Variants in ZWILCH observed in about 807,000 individuals in gnomAD.
The protein encoded by ZWILCH is zwilch kinetochore protein.
Under a neutral mutation model 79.9 loss-of-function variants are expected in ZWILCH, and 74 were observed. The ratio of observed to expected loss-of-function variants is 0.93; its 90% confidence interval spans 0.77 to 1.12. ZWILCH has a LOEUF of 1.12. Among genes scored for constraint, ZWILCH ranks in the 50% most tolerant of loss-of-function variants. The probability of loss-of-function intolerance (pLI) is 0.00; values close to 1 mark genes in which losing one functional copy is unlikely to be tolerated. For missense variants in ZWILCH, 694 were observed against 687.5 expected (o/e 1.01, Z -0.11); for synonymous variants, 241 against 228.2 (o/e 1.06, Z -0.51).
rs756584869 is a variant in ZWILCH at position 66,532,279 on chromosome 15, G to A, written c.1188G>A (p.Lys396=). 2 of 1,601,390 alleles carry A rather than the reference G, an allele frequency of 1.2e-6. No homozygotes were observed. Among genetic ancestry groups the A allele is most frequent in the Non-Finnish European group, 1.7e-6 (2 of 1,174,634 alleles). The change falls in exon 13 of 19, where the codon AAG becomes AAA. Residue 396 remains lysine, a synonymous_variant. Coordinates refer to ENST00000307897, the MANE Select transcript of ZWILCH (RefSeq NM_017975.5). The stretch of plus-strand genomic sequence containing the variant: ...GTGGAAGTAACAGTTTACTAAGTAA[G>A]CTCATTCATCAGTCTTATCATGGAA... ...LHSGSNSLLS[K]LIHQSYHGTM...
chr15:66,509,142 A>G (rs1054750489), intron 2 of ZWILCH, among the ~76,000 whole-genome samples: 10 of 152,054 alleles, frequency 6.6e-5, no homozygotes, highest in Non-Finnish European at 1.2e-4. Flanking sequence ...GGGTTTCACC[A>G]TGTTAGCCAG....
Position 66,521,167 on chromosome 15 carries a change from A to G in ZWILCH, c.709A>G (p.Ile237Val), listed in dbSNP as rs1220514236. The G allele has an allele frequency of 6.2e-7, 1 of 1,613,376 alleles. No homozygotes were observed. The highest frequency in any genetic ancestry group is 1.3e-5 in the African/African-American group (1 of 74,904). ...LDISWSPVDE[I>V]LQIPPLSSTA... ...TATTTCCTGGAGTCCTGTGGATGAG[A>G]TTCTTCAAATCCCTCCACTCTCTTC... Residue 237 changes from isoleucine (I) to valine (V), a missense_variant, in exon 7 of 19, where the codon ATT becomes GTT. Ile to Val is a conservative substitution (Grantham distance 29). Coordinates refer to ENST00000307897, the MANE Select transcript of ZWILCH (RefSeq NM_017975.5).
chr15:66,530,688 C>T (rs1894826816), intron 12 of ZWILCH, among the ~76,000 whole-genome samples: 1 of 152,142 alleles, frequency 6.6e-6, no homozygotes, highest in African/African-American at 2.4e-5. Flanking sequence ...ATGAATTTTC[C>T]ACAGTGAACT....
At position 66,521,116 on chromosome 15, in the gene ZWILCH, G is replaced by A; in HGVS notation, c.658G>A (p.Ala220Thr). 6.2e-7 allele frequency: 1 copy of A among 1,614,104 alleles called. No individual in the cohort carries two copies. Among genetic ancestry groups the A allele is most frequent in the Non-Finnish European group, 8.5e-7 (1 of 1,180,022 alleles). ...KSSALDDTITASQTAIALDIS... is the reference protein window; with the variant it reads ...KSSALDDTITTSQTAIALDIS... ...CTCTGCCTTGGATGATACAATCACA[G>A]CATCACAAACTGCGATCGCTTTGGA... Residue 220 changes from alanine to threonine, a missense_variant, in exon 7 of 19, where the codon GCA becomes ACA. By Grantham distance (58) the Ala-to-Thr change is moderately conservative. Transcript: ENST00000307897.
chr15:66,527,751 A>T lies in ZWILCH; in HGVS notation c.914-106A>T, dbSNP rs556676743. Reference sequence around the variant, plus strand: ...AGTTCAGTGATTTGCTAAAATCCTTAGTTAGACTTCTACTGTCCCCATTTA... The same window carrying T: ...AGTTCAGTGATTTGCTAAAATCCTTTGTTAGACTTCTACTGTCCCCATTTA... On this transcript the variant is annotated intron_variant, in intron 9 of 18. Transcript: ENST00000307897. The T allele has an allele frequency of 2.0e-4, 189 of 933,736 alleles. 1 individual carries two copies. The South Asian group carries it at 2.8e-3, about 14-fold the overall frequency. 57.8% of individuals were successfully genotyped at this position (933,736 alleles called of 1,614,324 possible).
intron 2 of ZWILCH, among the ~76,000 whole-genome samples, chr15:66,512,112 A>T (rs891532638): frequency 6.6e-6 from 1 of 152,196 alleles, no homozygotes; most frequent in Non-Finnish European, 1.5e-5. Flanking sequence ...ATCATATAAT[A>T]TGGAATTAGT....
In ZWILCH at chr15:66,548,604, C is replaced by T. The variant is rs1462144701; in HGVS notation, c.*280C>T. ...CCATTTGCATGTGACTTAGCAAGGG[C>T]TCTGAAATGACAAAGAGAACGAGCA... On this transcript the variant is annotated 3_prime_UTR_variant, in exon 19 of 19. Transcript: ENST00000307897. The T allele has an allele frequency of 6.5e-7, 1 of 1,543,858 alleles. No homozygotes were observed. The highest frequency in any genetic ancestry group is 9.0e-7 in the Non-Finnish European group (1 of 1,116,504).
chr15:66,538,885 T>G (rs1224442101), intron 16 of ZWILCH, among the ~76,000 whole-genome samples: 2 of 152,208 alleles, frequency 1.3e-5, no homozygotes, highest in Non-Finnish European at 2.9e-5. Context: ...TTTCTTTTCT[T>G]CTTACTTCCT....
intron 14 of ZWILCH, among the ~76,000 whole-genome samples, chr15:66,534,114 C>G (rs1351557234): frequency 6.6e-6 from 1 of 151,422 alleles, no homozygotes; most frequent in Non-Finnish European, 1.5e-5. Context: ...GAGCAAGACC[C>G]TGTTTCAAAA....
Position 66,532,392 on chromosome 15 carries a change from G to C in ZWILCH, c.1301G>C (p.Ser434Thr). ...GACAAACTAAAGAAAGATTATATCA[G>C]TTTTTTCATAGGTAAGTATCTTTCC... ...GLDKLKKDYISFFIGQELASL... is the reference protein window; with the variant it reads ...GLDKLKKDYITFFIGQELASL... Residue 434 changes from serine to threonine, a missense_variant, in exon 13 of 19, where the codon AGT (serine) becomes ACT (threonine). By Grantham distance (58) the Ser-to-Thr change is moderately conservative. Transcript: ENST00000307897. The C allele has an allele frequency of 6.2e-7, 1 of 1,604,670 alleles. No homozygotes were observed. The highest frequency in any genetic ancestry group is 1.3e-5 in the African/African-American group (1 of 74,256).
Position 66,535,994 on chromosome 15 carries a change from A to C in ZWILCH, c.1403A>C (p.His468Pro). Residue 468 changes from histidine to proline, a missense_variant, in exon 15 of 19, where the codon CAC becomes CCC. His to Pro is a moderately conservative substitution (Grantham distance 77). Coordinates refer to ENST00000307897, the MANE Select transcript of ZWILCH (RefSeq NM_017975.5). ...QEQVYRVQKL[H>P]HILEILVSCM... ...CAGGTTTATCGTGTCCAAAAACTCC[A>C]CCATATTCTAGAAATATTAGTCAGT... 1.2e-6 allele frequency: 2 copies of C among 1,612,978 alleles called. No homozygotes were observed. The highest frequency in any genetic ancestry group is 1.7e-6 in the Non-Finnish European group (2 of 1,179,662).
chr15:66,505,674 A>G (rs190783447), intron 1 of ZWILCH: 5 of 464,854 alleles, frequency 1.1e-5, no homozygotes, highest in East Asian at 8.6e-5. Context: ...CACACTTGCC[A>G]TAAGTAGAGG....
rs571681580 is a variant in ZWILCH, at chr15:66,509,293, C to A, written c.105+401C>A. Among the ~76,000 whole-genome samples the A allele has an allele frequency of 2.6e-5, 4 of 152,322 alleles. 1 individual carries two copies. In the South Asian group the frequency reaches 8.3e-4, roughly 32 times the overall value. On this transcript the variant is annotated intron_variant, in intron 2 of 18. Coordinates refer to ENST00000307897, the MANE Select transcript of ZWILCH (RefSeq NM_017975.5). ...CCTATAATCAAGATATAGAATATTT[C>A]TATCCTCTCCAAAAATGTTCTTATG...
In ZWILCH at chr15:66,537,314, A is replaced by G. The variant is rs369673560; in HGVS notation, c.1574+51A>G. ...GGCTCATGCCTGTAATCCTAGCACT[A>G]TGGGAGGCTGAGGTGGGAGGATAAC... On this transcript the variant is annotated intron_variant, in intron 16 of 18. Transcript: ENST00000307897. 33 of 1,366,530 alleles carry G rather than the reference A, an allele frequency of 2.4e-5. No individual in the cohort carries two copies. In the African/African-American group the frequency reaches 2.6e-4, roughly 11 times the overall value. The allele number at this position is 1,366,530 out of a possible 1,614,324, so 84.7% of individuals were successfully genotyped here. A position where few individuals can be genotyped will look rare whatever the true frequency, so the allele number is the denominator to read the frequency against.
intron 17 of ZWILCH, among the ~76,000 whole-genome samples, chr15:66,541,793 G>C (rs562402153): frequency 1.3e-5 from 2 of 152,260 alleles, no homozygotes; most frequent in African/African-American, 4.8e-5. Flanking sequence ...AAATCTGATA[G>C]TTTTCAGACT....
chr15:66,548,633 CA>C lies in ZWILCH; in HGVS notation c.*312del, dbSNP rs1331939187. Reference sequence around the variant, plus strand: ...GAAATGACAAAGAGAACGAGCACCACAAATGAGAACAGGATCATTTTAGTAA... The same window carrying C: ...GAAATGACAAAGAGAACGAGCACCACAATGAGAACAGGATCATTTTAGTAA... On this transcript the variant is annotated 3_prime_UTR_variant, in exon 19 of 19. Coordinates refer to ENST00000307897, the MANE Select transcript of ZWILCH (RefSeq NM_017975.5). 2.7e-6 allele frequency: 3 copies of C among 1,120,992 alleles called. No homozygotes were observed. Among genetic ancestry groups the C allele is most frequent in the South Asian group, 2.5e-5 (2 of 80,322 alleles). 69.4% of individuals were successfully genotyped at this position (1,120,992 alleles called of 1,614,324 possible).
intron 15 of ZWILCH, among the ~76,000 whole-genome samples, chr15:66,536,833 T>C (rs1053993001): frequency 6.6e-6 from 1 of 152,202 alleles, no homozygotes; most frequent in Non-Finnish European, 1.5e-5. Flanking sequence ...GTTTCTCTTC[T>C]GCCTCTTTTT....
rs767697057 is a variant in ZWILCH at position 66,508,834 on chromosome 15, G to A, written c.54-7G>A. On this transcript the variant is annotated splice_polypyrimidine_tract_variant and splice_region_variant and intron_variant, in intron 1 of 18. Coordinates refer to ENST00000307897, the MANE Select transcript of ZWILCH (RefSeq NM_017975.5). Reference sequence around the variant, plus strand: ...TTCTGTTTTTCACATGTGGTTCTGCGTTTCAGGAAATTTAATGAAGAAAAG... The same window carrying A: ...TTCTGTTTTTCACATGTGGTTCTGCATTTCAGGAAATTTAATGAAGAAAAG... The A allele has an allele frequency of 6.8e-6, 11 of 1,613,798 alleles. No individual in the cohort carries two copies. Among genetic ancestry groups the A allele is most frequent in the South Asian group, 3.3e-5 (3 of 91,072 alleles).
At chr15:66,511,200 C>G (rs1357207661) in intron 2 of ZWILCH, among the ~76,000 whole-genome samples, 2 of 152,030 alleles carry the variant, frequency 1.3e-5, no homozygotes, top group Non-Finnish European at 2.9e-5. Context: ...CTGCTGTTTA[C>G]CTTGGCCGAG....
Sources: allele counts gnomAD v4.1 joint callset (sites outside exome capture counted in the v4.1 genomes callset), GRCh38; gene constraint gnomAD v4.1.1; transcripts MANE v1.5; gene names NCBI Gene and HGNC (gene_info 2026-07-23, HGNC 2026-07-21).